Variants in STAC3 observed in about 807,000 individuals in gnomAD.
The protein encoded by STAC3 is SH3 and cysteine-rich domain-containing protein 3.
In STAC3, 30 loss-of-function variants were observed where a neutral mutation model predicts 48.5. The ratio of observed to expected loss-of-function variants is 0.62; its 90% CI spans 0.46 to 0.84. STAC3 has a LOEUF of 0.84. STAC3 is among the 40% of genes least tolerant of loss of function. STAC3 has a pLI of 0.00. For missense variants in STAC3, 419 were observed against 462.6 expected, an observed-to-expected ratio of 0.91 and a Z score of 0.86; for synonymous variants, 144 against 158.6, an observed-to-expected ratio of 0.91 and a Z score of 0.69.
At position 57,250,998 on chromosome 12, in the gene STAC3, G is replaced by C. The variant is rs971022325; in HGVS notation, c.-7C>G. 3 of 324,290 alleles carry C rather than the reference G, an allele frequency of 9.3e-6. No individual in the cohort carries two copies. Among genetic ancestry groups the C allele is most frequent in the Non-Finnish European group, 1.9e-5 (3 of 160,286 alleles). The allele number at this position is 324,290 out of a possible 1,614,324, so 20.1% of individuals were successfully genotyped here. On this transcript the variant is annotated 5_prime_UTR_variant, in exon 1 of 12. Coordinates refer to ENST00000332782, the MANE Select transcript of STAC3 (RefSeq NM_145064.3). ...AGGATGAAGAGGTAACTTACGTTCG[G>C]GATTCCCTAAGTCAGTCCACAGGCT...
At chr12:57,248,377 C>CTTTTTTT in intron 4 of STAC3, 179 bp from the exon 5 acceptor site, 3 of 452,356 alleles carry the variant, frequency 6.6e-6, no homozygotes, top group Non-Finnish European at 8.0e-6. Flanking sequence ...CATGTCCCCT[C>CTTTTTTT]TTTTTTTTTT....
intron 9 of STAC3, 79 bp from the exon 10 acceptor site, chr12:57,244,445 G>T (rs1306290737): frequency 2.5e-5 from 40 of 1,612,026 alleles, no homozygotes; most frequent in Non-Finnish European, 3.2e-5. Flanking sequence ...TAGGCTCCAA[G>T]CCCTGAGTCC....
intron 1 of STAC3, 138 bp downstream of exon 1, chr12:57,250,855 A>G (rs1439586955): frequency 8.4e-6 from 1 of 118,432 alleles, no homozygotes; most frequent in African/African-American, 3.3e-5. Context: ...AACTCATCCT[A>G]GAGTAGAATA....
rs80212483 is a variant in STAC3, at chr12:57,243,934, T to C, written c.997-24A>G. ...ATCTAGAAGATTAAAGGATCAGAAG[T>C]AGGAGAGGAATCAAAGGAAAAGGTA... On this transcript the variant is annotated intron_variant, in intron 11 of 11. Coordinates refer to ENST00000332782, the MANE Select transcript of STAC3 (RefSeq NM_145064.3). The C allele has an allele frequency of 2.2e-3, 3,586 of 1,611,978 alleles. 86 individuals carry two copies. The East Asian group carries it at 0.064, about 29-fold the overall frequency.
intron 7 of STAC3, 42 bp from the exon 8 acceptor site, chr12:57,245,007 G>A: frequency 1.9e-6 from 3 of 1,611,328 alleles, no homozygotes; most frequent in Non-Finnish European, 2.5e-6. Context: ...CTCCTGGAGG[G>A]CAATTCTTAT....
At chr12:57,245,464 A>T (rs927398754) in intron 6 of STAC3, among the ~76,000 whole-genome samples, 1 of 148,942 alleles carries the variant, frequency 6.7e-6, no homozygotes, top group Admixed American at 6.7e-5. Flanking sequence ...CTCCGCCTCC[A>T]GGTTCACGCC....
At chr12:57,245,490 C>A (rs1248010644) in intron 6 of STAC3, among the ~76,000 whole-genome samples, 1 of 152,010 alleles carries the variant, frequency 6.6e-6, no homozygotes, top group Non-Finnish European at 1.5e-5. Context: ...CCTGCCACAG[C>A]CTCCTGAGTA....
At chr12:57,248,375 C>CTTT in intron 4 of STAC3, 177 bp from the exon 5 acceptor site, 1 of 577,128 alleles carries the variant, frequency 1.7e-6, no homozygotes, top group Non-Finnish European at 3.1e-6. Flanking sequence ...GACATGTCCC[C>CTTT]TCTTTTTTTT....
At chr12:57,249,672 C>T in intron 1 of STAC3, 35 bp from the exon 2 acceptor site, 1 of 1,609,252 alleles carries the variant, frequency 6.2e-7, no homozygotes, top group Non-Finnish European at 8.5e-7. Flanking sequence ...GAAATCTAAT[C>T]CCTTTCATTC....
Position 57,248,712 on chromosome 12 carries a change from G to A in STAC3, c.426C>T (p.Gly142=), listed in dbSNP as rs2037824643. Residue 142 remains glycine (G), a synonymous_variant, in exon 4 of 12, where the codon GGC becomes GGT. Coordinates refer to ENST00000332782, the MANE Select transcript of STAC3 (RefSeq NM_145064.3). ...CTCTCCACAGCCTACTCACGATCTTGCCGAAGCATCTCTGCATTTCCACAT... is the reference window on the plus strand; with the variant it reads ...CTCTCCACAGCCTACTCACGATCTTACCGAAGCATCTCTGCATTTCCACAT... ...QSYVEMQRCF[G]KIPPGFHRAY... is the part of the protein sequence containing the mutation. 1 of 1,613,484 alleles carries A rather than the reference G, an allele frequency of 6.2e-7. No homozygotes were observed. The highest frequency in any genetic ancestry group is 1.1e-5 in the South Asian group (1 of 91,060).
rs2037841108 is a variant in STAC3, at chr12:57,249,237, G to A, written c.138C>T (p.Pro46=). The change falls in exon 3 of 12, where the codon CCC becomes CCT. Residue 46 remains proline, a synonymous_variant. Transcript: ENST00000332782. Reference sequence around the variant, plus strand: ...CTCCCACTGCCTCCCCATTGGCCTGGGGCTCTGGGGGAAGTTCCATCTCCT... The same window carrying A: ...CTCCCACTGCCTCCCCATTGGCCTGAGGCTCTGGGGGAAGTTCCATCTCCT... ...GTKEMELPPE[P]QANGEAVGAG... 1 of 1,613,880 alleles carries A rather than the reference G, an allele frequency of 6.2e-7. No homozygotes were observed. Among genetic ancestry groups the A allele is most frequent in the African/African-American group, 1.3e-5 (1 of 74,880 alleles).
intron 5 of STAC3, among the ~76,000 whole-genome samples, chr12:57,247,428 ATTTTTT>A (rs367784960): frequency 5.1e-5 from 3 of 58,532 alleles, no homozygotes; most frequent in African/African-American, 1.7e-4. Context: ...TATTATTATT[ATTTTTT>A]TTTTTTTTTT....
At chr12:57,246,940 G>A in intron 5 of STAC3, 39 bp from the exon 6 acceptor site, 1 of 1,582,792 alleles carries the variant, frequency 6.3e-7, no homozygotes, top group Non-Finnish European at 8.7e-7. Context: ...TTATTGGGAA[G>A]GCAGAGAAAG....
chr12:57,245,045 G>T (rs1478617604), intron 7 of STAC3, 80 bp from the exon 8 acceptor site: 1 of 1,600,154 alleles, frequency 6.2e-7, no homozygotes, highest in African/African-American at 1.3e-5. Context: ...GAAGGGCCTC[G>T]TCTATCCAAA....
At chr12:57,244,811 A>C (rs2037692232) in intron 8 of STAC3, 105 bp downstream of exon 8, 5 of 1,444,216 alleles carry the variant, frequency 3.5e-6, no homozygotes, top group Non-Finnish European at 4.9e-6. Context: ...AAGTGATGGG[A>C]AGCCTAGGAG....
intron 9 of STAC3, 24 bp downstream of exon 9, chr12:57,244,513 G>T: frequency 6.2e-7 from 1 of 1,613,756 alleles, no homozygotes; most frequent in Non-Finnish European, 8.5e-7. Context: ...CGCAGTACCA[G>T]CCCCCTGCCC....
In STAC3 at chr12:57,243,583, G is replaced by A. The variant is rs1277011071; in HGVS notation, c.*229C>T. On this transcript the variant is annotated 3_prime_UTR_variant, in exon 12 of 12. Transcript: ENST00000332782. The stretch of plus-strand genomic sequence containing the variant: ...CGTTTTTTTCCAGCTCTTGCAAGCG[G>A]GGCCTGAAAGGTTTCGGGTCCGGGC... The A allele has an allele frequency of 1.4e-6, 1 of 694,484 alleles. No homozygotes were observed. Among genetic ancestry groups the A allele is most frequent in the East Asian group, 2.7e-5 (1 of 36,736 alleles). The allele number at this position is 694,484 out of a possible 1,614,324, so 43.0% of individuals were successfully genotyped here. A position where few individuals can be genotyped will look rare whatever the true frequency, so the allele number is the denominator to read the frequency against.
chr12:57,247,516 C>T (rs891141734), intron 5 of STAC3, among the ~76,000 whole-genome samples: 24 of 149,096 alleles, frequency 1.6e-4, no homozygotes, highest in African/African-American at 5.8e-4. Flanking sequence ...TCACTGCAAG[C>T]TCCGCCTCCC....
rs2037850910 is a variant in STAC3, at chr12:57,249,552, G to A, written c.66+19C>T. On this transcript the variant is annotated intron_variant, in intron 2 of 11. Transcript: ENST00000332782. ...GCTTCCCAGCCCCCCACACCCAGTG[G>A]TCAGAGGCCCAGACTCACCCCACTT... is the stretch of plus-strand genomic sequence containing the variant. 6.2e-7 allele frequency: 1 copy of A among 1,613,704 alleles called. No individual in the cohort carries two copies. Among genetic ancestry groups the A allele is most frequent in the African/African-American group, 1.3e-5 (1 of 74,880 alleles).
Sources: gnomAD v4.1 joint callset for allele counts (sites outside exome capture counted in the v4.1 genomes callset) on GRCh38, gnomAD v4.1.1 for gene constraint, MANE v1.5 for transcripts, NCBI Gene and HGNC (gene_info 2026-07-23, HGNC 2026-07-21) for gene names.